Variants in MGAT4C observed in about 807,000 individuals in gnomAD.
MGAT4C encodes the protein MGAT4 family member C.
In MGAT4C, 19 loss-of-function variants were observed where a neutral mutation model predicts 40.1. The ratio of observed to expected loss-of-function variants is 0.47; its 90% CI spans 0.33 to 0.70. MGAT4C has a LOEUF of 0.70. Among genes scored for constraint, MGAT4C ranks in the 30% least tolerant of loss-of-function variants. The pLI is 0.02. For missense variants in MGAT4C, 491 were observed against 563.2 expected, an observed-to-expected ratio of 0.87 and a Z score of 1.30; for synonymous variants, 181 against 187.1, an observed-to-expected ratio of 0.97 and a Z score of 0.27.
intron 2 of MGAT4C, among the ~76,000 whole-genome samples, chr12:86,441,386 T>C (rs1353135534): frequency 6.6e-6 from 1 of 151,724 alleles, no homozygotes; most frequent in Non-Finnish European, 1.5e-5. Context: ...CTAGGGTACA[T>C]GTGCACAACG....
At chr12:86,488,240 C>A (rs1958060354) in intron 2 of MGAT4C, among the ~76,000 whole-genome samples, 2 of 149,284 alleles carry the variant, frequency 1.3e-5, no homozygotes, top group African/African-American at 2.5e-5. Context: ...CACAGTGGAA[C>A]CTTGTTTTCT....
intron 2 of MGAT4C, among the ~76,000 whole-genome samples, chr12:86,039,718 T>C (rs974410987): frequency 6.6e-6 from 1 of 152,210 alleles, no homozygotes; most frequent in African/African-American, 2.4e-5. Context: ...TGAAGCCTAC[T>C]TCTGTTAATT....
Position 86,194,755 on chromosome 12 carries a change from C to T in MGAT4C, c.-57+61484G>A, listed in dbSNP as rs113482545. 6.5e-3 allele frequency among the ~76,000 whole-genome samples: 989 copies of T among 152,152 alleles called. 13 individuals are homozygous for T. Among genetic ancestry groups the T allele is most frequent in the African/African-American group, 0.023 (958 of 41,524 alleles). On this transcript the variant is annotated intron_variant, in intron 1 of 4. Coordinates refer to ENST00000611864, the MANE Select transcript of MGAT4C (RefSeq NM_001351288.2). The stretch of plus-strand genomic sequence containing the variant: ...CTGGGATTACAGGCATGAACCACTG[C>T]GCCCAGCTGGAGCAAATCAATTTTT...
chr12:86,602,830 G>T (rs187914803), intron 2 of MGAT4C, among the ~76,000 whole-genome samples: 1 of 151,674 alleles, frequency 6.6e-6, no homozygotes, highest in Non-Finnish European at 1.5e-5. Flanking sequence ...CAACAATCTC[G>T]CCATCTGTAT....
At position 86,774,357 on chromosome 12, in the gene MGAT4C, TC is replaced by T. The variant is rs1422002912; in HGVS notation, c.-261-47117del. On this transcript the variant is annotated intron_variant, in intron 1 of 7. Transcript: ENST00000548651. The stretch of plus-strand genomic sequence containing the variant: ...TTTCTTTCTGTCTCTCTCTCTCCCC[TC>T]TCTCTCTCTCTCTTTCTGTCTGTCT... Among the ~76,000 whole-genome samples the T allele has an allele frequency of 6.9e-3, 282 of 41,054 alleles. 7 individuals carry two copies. The highest frequency in any genetic ancestry group is 0.02 in the Middle Eastern group (2 of 100). 26.9% of individuals were successfully genotyped at this position (41,054 alleles called of 152,430 possible). A position where few individuals can be genotyped will look rare whatever the true frequency, so the allele number is the denominator to read the frequency against.
intron 1 of MGAT4C, among the ~76,000 whole-genome samples, chr12:86,171,026 G>C (rs1886773484): frequency 6.6e-6 from 1 of 152,064 alleles, no homozygotes; most frequent in African/African-American, 2.4e-5. Context: ...GAAGCATCTT[G>C]CTGGATACTC....
chr12:86,244,045 G>A (rs539994030), intron 1 of MGAT4C, among the ~76,000 whole-genome samples: 58 of 152,212 alleles, frequency 3.8e-4, no homozygotes, highest in Non-Finnish European at 6.9e-4. Flanking sequence ...TCTCACTAAG[G>A]TAAAAAAGTG....
intron 2 of MGAT4C, among the ~76,000 whole-genome samples, chr12:86,686,314 T>A (rs1950071473): frequency 6.6e-6 from 1 of 152,180 alleles, no homozygotes; most frequent in Non-Finnish European, 1.5e-5. Flanking sequence ...CTCTTCCTAT[T>A]TGAATATCCT....
intron 2 of MGAT4C, among the ~76,000 whole-genome samples, chr12:86,491,748 C>T (rs112693888): frequency 0.089 from 13,336 of 149,644 alleles, 810 homozygotes; most frequent in Middle Eastern, 0.24. Context: ...GACAGGGATG[C>T]CCTCTCTCAC....
chr12:86,277,845 A>C (rs964919224), intron 4 of MGAT4C, among the ~76,000 whole-genome samples: 1 of 151,876 alleles, frequency 6.6e-6, no homozygotes, highest in African/African-American at 2.4e-5. Context: ...TCCAATTTTG[A>C]TTTTGTTGTG....
intron 1 of MGAT4C, among the ~76,000 whole-genome samples, chr12:86,171,988 C>A (rs1042823086): frequency 6.6e-6 from 1 of 152,152 alleles, no homozygotes; most frequent in African/African-American, 2.4e-5. Context: ...GCTTTATAAT[C>A]CAGCTCTTCA....
intron 2 of MGAT4C, among the ~76,000 whole-genome samples, chr12:86,537,923 C>G (rs1174205600): frequency 6.6e-6 from 1 of 151,954 alleles, no homozygotes; most frequent in African/African-American, 2.4e-5. Flanking sequence ...CCCGTCTCTA[C>G]TAAAAATACA....
intron 1 of MGAT4C, among the ~76,000 whole-genome samples, chr12:86,197,665 C>T (rs184120237): frequency 6.6e-5 from 10 of 152,214 alleles, no homozygotes; most frequent in African/African-American, 2.2e-4. Flanking sequence ...CTCTATGAAA[C>T]GTTGTTATAG....
chr12:86,237,730 G>A, intron 1 of MGAT4C, among the ~76,000 whole-genome samples: 1 of 151,830 alleles, frequency 6.6e-6, no homozygotes, highest in East Asian at 1.9e-4. Flanking sequence ...CTGAAAATGT[G>A]AATCACAGAT....
intron 1 of MGAT4C, among the ~76,000 whole-genome samples, chr12:86,114,684 G>A (rs1269406858): frequency 6.6e-6 from 1 of 151,810 alleles, no homozygotes; most frequent in African/African-American, 2.4e-5. Flanking sequence ...TTTCAGAGTT[G>A]TTCTCTGAGG....
In MGAT4C at chr12:86,545,926, A is replaced by C. The variant is rs374786069; in HGVS notation, c.-228-110661T>G. On this transcript the variant is annotated intron_variant, in intron 2 of 7. Transcript: ENST00000548651. Reference sequence around the variant, plus strand: ...ATAACAACACTACTTGAAGCTTTAAACTGCTATTATAAAACATTTTCAAAA... The same window carrying C: ...ATAACAACACTACTTGAAGCTTTAACCTGCTATTATAAAACATTTTCAAAA... Among the ~76,000 whole-genome samples the C allele has an allele frequency of 1.5e-4, 23 of 152,110 alleles. No individual in the cohort carries two copies. In the East Asian group the frequency reaches 4.1e-3, roughly 27 times the overall value.
At position 86,583,604 on chromosome 12, in the gene MGAT4C, T is replaced by G. The variant is rs1960883683; in HGVS notation, c.-229+143605A>C. 2.0e-5 allele frequency among the ~76,000 whole-genome samples: 3 copies of G among 151,148 alleles called. No individual in the cohort carries two copies. In the South Asian group the frequency reaches 6.2e-4, roughly 31 times the overall value. On this transcript the variant is annotated intron_variant, in intron 2 of 7. Coordinates refer to the MGAT4C transcript ENST00000548651. ...TGTATTTAAATGGTACCACAAAGTTTAACTATTCCTTTATTCCATTTTGAA... is the reference window on the plus strand; with the variant it reads ...TGTATTTAAATGGTACCACAAAGTTGAACTATTCCTTTATTCCATTTTGAA...
At chr12:86,251,474 A>C (rs554351847) in intron 1 of MGAT4C, among the ~76,000 whole-genome samples, 246 of 152,190 alleles carry the variant, frequency 1.6e-3, no homozygotes, top group African/African-American at 5.1e-3. Context: ...AACAAAAAAG[A>C]AAGTGTCTTT....
intron 2 of MGAT4C, among the ~76,000 whole-genome samples, chr12:86,642,245 A>T (rs559733759): frequency 8.6e-5 from 13 of 151,810 alleles, no homozygotes; most frequent in Admixed American, 3.3e-4. Context: ...ATATCTTGGA[A>T]GTTTCTCTCT....
Sources: allele counts gnomAD v4.1 joint callset (sites outside exome capture counted in the v4.1 genomes callset), GRCh38; gene constraint gnomAD v4.1.1; transcripts MANE v1.5; gene names NCBI Gene and HGNC (gene_info 2026-07-23, HGNC 2026-07-21).